RPGRIP1L: variants seen among roughly 807,000 people sequenced by gnomAD.
The protein encoded by RPGRIP1L is RPGRIP1 like, also known as protein fantom.
In RPGRIP1L, 131 loss-of-function variants were observed where a neutral mutation model predicts 160.4. The ratio of observed to expected loss-of-function variants is 0.82; its 90% CI spans 0.71 to 0.94. The LOEUF (loss-of-function observed/expected upper bound fraction) is 0.94, where lower values mean the gene tolerates loss of function less well. Among genes scored for constraint, RPGRIP1L ranks in the 40% least tolerant of loss-of-function variants. RPGRIP1L has a pLI of 0.00. For missense variants in RPGRIP1L, 1,522 were observed against 1,535.8 expected (o/e 0.99, Z 0.15); for synonymous variants, 510 against 515.8 (o/e 0.99, Z 0.15).
chr16:53,654,155 G>A (rs898370131), intron 14 of RPGRIP1L, among the ~76,000 whole-genome samples: 1 of 152,112 alleles, frequency 6.6e-6, no homozygotes. Context: ...TTAGTAGATG[G>A]GGTTTTGCCA....
At chr16:53,625,466 T>G in intron 22 of RPGRIP1L, among the ~76,000 whole-genome samples, 2 of 111,888 alleles carry the variant, frequency 1.8e-5, no homozygotes, top group Admixed American at 8.0e-5. Context: ...AGCCGCCCCA[T>G]CTGGGGGCTG....
intron 6 of RPGRIP1L, among the ~76,000 whole-genome samples, chr16:53,678,470 T>C (rs1280450166): frequency 6.6e-6 from 1 of 152,192 alleles, no homozygotes; most frequent in African/African-American, 2.4e-5. Context: ...ATGTAATGTA[T>C]AGTCTAATAT....
At chr16:53,686,012 A>C (rs989098070) in intron 6 of RPGRIP1L, among the ~76,000 whole-genome samples, 2 of 152,236 alleles carry the variant, frequency 1.3e-5, no homozygotes, top group African/African-American at 4.8e-5. Flanking sequence ...TTGGGATTAC[A>C]AACTGGTACC....
intron 24 of RPGRIP1L, among the ~76,000 whole-genome samples, chr16:53,615,451 A>AATAT (rs1253551117): frequency 8.2e-6 from 1 of 122,416 alleles, no homozygotes; most frequent in South Asian, 2.5e-4. Context: ...TATTTCTAAG[A>AATAT]ATATATATAT....
In RPGRIP1L at chr16:53,686,445, G is replaced by C. The variant is rs1404001784; in HGVS notation, c.764C>G (p.Ala255Gly). The change falls in exon 6 of 27, where the codon GCT (alanine) becomes GGT (glycine). Residue 255 changes from alanine (A) to glycine (G), a missense_variant. Transcript: ENST00000647211. ...LSLLQLREQQ[A>G]TDQRSNIRDN... ...TGTTTTAACATACCTTTGATCTGTA[G>C]CTTGCTGTTCTCGAAGCTGAAGAAG... The C allele has an allele frequency of 6.2e-7, 1 of 1,613,140 alleles. No individual in the cohort carries two copies. The highest frequency in any genetic ancestry group is 1.1e-5 in the South Asian group (1 of 91,056).
At chr16:53,640,143 A>C (rs1408499852) in intron 19 of RPGRIP1L, among the ~76,000 whole-genome samples, 1 of 152,176 alleles carries the variant, frequency 6.6e-6, no homozygotes, top group African/African-American at 2.4e-5. Context: ...AAAAAAGAGG[A>C]GTCAAGAGGA....
intron 23 of RPGRIP1L, among the ~76,000 whole-genome samples, chr16:53,621,374 A>C (rs1269624546): frequency 1.3e-5 from 2 of 152,116 alleles, no homozygotes; most frequent in African/African-American, 2.4e-5. Context: ...CTGTATTATC[A>C]AAAAAATAAA....
intron 2 of RPGRIP1L, 92 bp from the exon 3 acceptor site, chr16:53,696,387 G>A: frequency 7.4e-7 from 1 of 1,353,034 alleles, no homozygotes; most frequent in Non-Finnish European, 1.1e-6. Context: ...GCACTCATCT[G>A]AGATTTTTTC....
rs772377772 is a variant in RPGRIP1L, at chr16:53,645,697, T to G, written c.2611A>C (p.Thr871Pro). Residue 871 changes from threonine to proline, a missense_variant, in exon 17 of 27, where the codon ACC (threonine) becomes CCC (proline). Coordinates refer to ENST00000647211, the MANE Select transcript of RPGRIP1L (RefSeq NM_015272.5). ...LSFYVFDDSD[T>P]QENIYIGKVN... The stretch of plus-strand genomic sequence containing the variant: ...TTTCCTATGTAAATATTCTCCTGGG[T>G]ATCACTATCATCAAAAACATAAAAA... 3 of 1,613,952 alleles carry G rather than the reference T, an allele frequency of 1.9e-6. No individual in the cohort carries two copies. Among genetic ancestry groups the G allele is most frequent in the Non-Finnish European group, 2.5e-6 (3 of 1,179,968 alleles).
chr16:53,606,218 T>C (rs1963674310), intron 25 of RPGRIP1L, among the ~76,000 whole-genome samples: 1 of 152,250 alleles, frequency 6.6e-6, no homozygotes, highest in Non-Finnish European at 1.5e-5. Context: ...CCAAGTTTTA[T>C]TTTACTTTAA....
At chr16:53,695,154 C>A in intron 3 of RPGRIP1L, 1 of 560,834 alleles carries the variant, frequency 1.8e-6, no homozygotes, top group Non-Finnish European at 3.2e-6. Context: ...CTTTTACTGA[C>A]CAATTAGGCT....
At chr16:53,637,040 C>T (rs1048551935) in intron 21 of RPGRIP1L, among the ~76,000 whole-genome samples, 2 of 151,788 alleles carry the variant, frequency 1.3e-5, no homozygotes, top group Non-Finnish European at 2.9e-5. Context: ...GGCTGGGGTA[C>T]AGTGGCTATT....
Position 53,605,351 on chromosome 16 carries a change from C to T in RPGRIP1L, c.3835+130G>A, listed in dbSNP as rs1598205183. 4.9e-6 allele frequency: 5 copies of T among 1,021,430 alleles called. No homozygotes were observed. The East Asian group carries it at 1.2e-4, about 24-fold the overall frequency. The allele number at this position is 1,021,430 out of a possible 1,614,324, so 63.3% of individuals were successfully genotyped here. ...CGCTTCAGCTTCACCAAAGCGTCAACTTGAGTTGTAAAGGATTCAAGTAAC... is the reference window on the plus strand; with the variant it reads ...CGCTTCAGCTTCACCAAAGCGTCAATTTGAGTTGTAAAGGATTCAAGTAAC... On this transcript the variant is annotated intron_variant, in intron 26 of 26. Transcript: ENST00000647211.
intron 10 of RPGRIP1L, 146 bp from the exon 11 acceptor site, chr16:53,659,024 A>G (rs537799410): frequency 1.4e-6 from 1 of 697,636 alleles, no homozygotes; most frequent in South Asian, 1.8e-5. Context: ...ACCTCGACAA[A>G]GACAGCAGGG....
chr16:53,673,063 G>C (rs775649897), intron 7 of RPGRIP1L, 47 bp from the exon 8 acceptor site: 12 of 1,528,748 alleles, frequency 7.8e-6, no homozygotes, highest in Middle Eastern at 2.1e-4. Flanking sequence ...TTGACTAAAT[G>C]ATTAAATTTG....
intron 10 of RPGRIP1L, among the ~76,000 whole-genome samples, chr16:53,662,012 C>G (rs548740030): frequency 4.9e-4 from 75 of 152,236 alleles, no homozygotes; most frequent in African/African-American, 1.7e-3. Context: ...AGGAAATATA[C>G]TTGCTGAATT....
intron 7 of RPGRIP1L, among the ~76,000 whole-genome samples, chr16:53,673,282 T>C (rs1467660915): frequency 6.6e-6 from 1 of 152,228 alleles, no homozygotes; most frequent in Non-Finnish European, 1.5e-5. Flanking sequence ...GTTTTTGACT[T>C]ATTGATGGTG....
chr16:53,623,202 T>C (rs1443958500), intron 22 of RPGRIP1L, among the ~76,000 whole-genome samples: 13 of 152,134 alleles, frequency 8.5e-5, no homozygotes, highest in Admixed American at 8.5e-4. Flanking sequence ...TATCAGAAGG[T>C]AGCAATTTGA....
At chr16:53,625,630 C>G (rs900477886) in intron 22 of RPGRIP1L, among the ~76,000 whole-genome samples, 4 of 152,150 alleles carry the variant, frequency 2.6e-5, no homozygotes, top group Non-Finnish European at 5.9e-5. Flanking sequence ...GCCGCCACCC[C>G]GTCTGGGACG....
Sources: allele counts gnomAD v4.1 joint callset (sites outside exome capture counted in the v4.1 genomes callset), GRCh38; gene constraint gnomAD v4.1.1; transcripts MANE v1.5; gene names NCBI Gene and HGNC (gene_info 2026-07-23, HGNC 2026-07-21).